AGO3: variants seen among roughly 807,000 people sequenced by gnomAD.
The protein encoded by AGO3 is argonaute RISC catalytic component 3, also known as protein argonaute-3.
A neutral mutation model predicts 105.5 loss-of-function variants in AGO3; 16 were observed. The observed-to-expected ratio is 0.15, with a 90% CI of 0.10 to 0.23. The LOEUF (loss-of-function observed/expected upper bound fraction) is 0.23. Ranked by LOEUF, AGO3 falls within the 10% of genes least tolerant of loss-of-function variation. The pLI is 1.00. For missense variants in AGO3, 534 were observed against 1,088.0 expected (o/e 0.49, Z 7.16); for synonymous variants, 340 against 367.3 (o/e 0.93, Z 0.85).
intron 3 of AGO3, among the ~76,000 whole-genome samples, chr1:35,971,064 A>G (rs955412858): frequency 2.1e-5 from 3 of 144,016 alleles, no homozygotes; most frequent in African/African-American, 7.9e-5. Flanking sequence ...ATAAATATAT[A>G]AATTATAAAT....
chr1:35,944,257 G>T (rs1646315815), intron 1 of AGO3, among the ~76,000 whole-genome samples: 1 of 151,390 alleles, frequency 6.6e-6, no homozygotes, highest in Admixed American at 6.6e-5. Context: ...TTAAGACAGG[G>T]TCTTGCCATT....
At chr1:35,950,236 T>C (rs1646446216) in intron 2 of AGO3, among the ~76,000 whole-genome samples, 1 of 151,836 alleles carries the variant, frequency 6.6e-6, no homozygotes, top group African/African-American at 2.4e-5. Context: ...AAAAAAAAAT[T>C]ATATTGTTGC....
intron 11 of AGO3, among the ~76,000 whole-genome samples, chr1:36,025,121 A>G (rs1641441044): frequency 1.3e-5 from 2 of 152,364 alleles, no homozygotes; most frequent in East Asian, 1.9e-4. Flanking sequence ...AAGTATGTCA[A>G]CAATGAAACA....
chr1:35,981,485 C>T (rs1647052572), intron 5 of AGO3, among the ~76,000 whole-genome samples: 1 of 152,196 alleles, frequency 6.6e-6, no homozygotes, highest in Non-Finnish European at 1.5e-5. Flanking sequence ...AACTACCAGC[C>T]ATGAGTTCCC....
intron 2 of AGO3, among the ~76,000 whole-genome samples, 200 bp from the exon 3 acceptor site, chr1:35,966,755 T>C (rs1032115978): frequency 1.3e-5 from 2 of 152,216 alleles, no homozygotes; most frequent in East Asian, 1.9e-4. Flanking sequence ...CTTCTCTGTC[T>C]AGTGAAATGT....
intron 5 of AGO3, among the ~76,000 whole-genome samples, chr1:35,990,652 TAGTTAGA>T (rs1647550104): frequency 6.6e-6 from 1 of 152,208 alleles, no homozygotes; most frequent in Non-Finnish European, 1.5e-5. Context: ...TTCTGCAAAG[TAGTTAGA>T]AGTTCACACT....
At chr1:35,983,980 A>G (rs1647110511) in intron 5 of AGO3, among the ~76,000 whole-genome samples, 1 of 152,132 alleles carries the variant, frequency 6.6e-6, no homozygotes, top group Non-Finnish European at 1.5e-5. Context: ...CAGTATGTAA[A>G]TCCATATTTG....
intron 12 of AGO3, among the ~76,000 whole-genome samples, chr1:36,030,414 G>A (rs906243792): frequency 6.6e-6 from 1 of 151,150 alleles, no homozygotes; most frequent in African/African-American, 2.4e-5. Flanking sequence ...GAGATAGGAA[G>A]ATCACTTGAG....
intron 2 of AGO3, among the ~76,000 whole-genome samples, chr1:35,964,332 T>G (rs1462707659): frequency 6.6e-6 from 1 of 152,158 alleles, no homozygotes; most frequent in African/African-American, 2.4e-5. Context: ...TGGGTCCATA[T>G]GTTCTCATCA....
intron 14 of AGO3, among the ~76,000 whole-genome samples, chr1:36,038,936 G>A (rs1471146877): frequency 1.3e-5 from 2 of 152,202 alleles, no homozygotes; most frequent in Non-Finnish European, 2.9e-5. Flanking sequence ...TGGCTTCTGA[G>A]ATAGGTTGCT....
chr1:36,034,241 A>G lies in AGO3; in HGVS notation c.1659A>G (p.Val553=). The G allele has an allele frequency of 6.2e-7, 1 of 1,608,690 alleles. No homozygotes were observed. Among genetic ancestry groups the G allele is most frequent in the Non-Finnish European group, 8.5e-7 (1 of 1,177,618 alleles). ...MATQCVQVKN[V]IKTSPQTLSN... ...CACAATGTGTTCAAGTCAAGAATGT[A>G]ATAAAAACATCTCCTCAAACTCTGT... Residue 553 remains valine, a synonymous_variant, in exon 13 of 19, where the codon GTA becomes GTG. Transcript: ENST00000373191.
intron 5 of AGO3, among the ~76,000 whole-genome samples, chr1:35,988,179 C>A (rs1647293090): frequency 6.6e-6 from 1 of 152,096 alleles, no homozygotes; most frequent in Non-Finnish European, 1.5e-5. Context: ...GTATGATTAA[C>A]AAGTAAAAGT....
At position 35,931,344 on chromosome 1, in the gene AGO3, G is replaced by C; in HGVS notation, c.-83G>C. 2 of 1,308,538 alleles carry C rather than the reference G, an allele frequency of 1.5e-6. No individual in the cohort carries two copies. Among genetic ancestry groups the C allele is most frequent in the Non-Finnish European group, 2.0e-6 (2 of 1,005,686 alleles). 81.1% of individuals were successfully genotyped at this position (1,308,538 alleles called of 1,614,324 possible). A position where few individuals can be genotyped will look rare whatever the true frequency, so the allele number is the denominator to read the frequency against. On this transcript the variant is annotated 5_prime_UTR_variant, in exon 1 of 19. Coordinates refer to ENST00000373191, the MANE Select transcript of AGO3 (RefSeq NM_024852.4). ...GCCGAGTGAGAGTGCCCGTCGCGTC[G>C]CGCCGCGTCGCCCCCCGGGCCGCCT...
intron 5 of AGO3, among the ~76,000 whole-genome samples, chr1:35,995,187 C>G (rs1648168685): frequency 8.1e-6 from 1 of 122,914 alleles, no homozygotes. Context: ...GGCAACAGAG[C>G]AAGACACTGT....
intron 2 of AGO3, among the ~76,000 whole-genome samples, chr1:35,962,818 A>G (rs2148766189): frequency 6.6e-6 from 1 of 152,326 alleles, no homozygotes; most frequent in East Asian, 1.9e-4. Context: ...AATAAAACAT[A>G]ATTTATCTTT....
At chr1:36,024,585 C>T (rs603945) in intron 11 of AGO3, among the ~76,000 whole-genome samples, 109,813 of 152,084 alleles carry the variant, frequency 0.72, 43,390 homozygotes, top group Non-Finnish European at 0.91. Context: ...AGAAATTCGG[C>T]TGTCATGAAA....
chr1:35,962,767 T>C (rs1439115486), intron 2 of AGO3, among the ~76,000 whole-genome samples: 2 of 152,102 alleles, frequency 1.3e-5, no homozygotes, highest in Non-Finnish European at 2.9e-5. Flanking sequence ...CCTTGCTGTT[T>C]ATAAAGAAGA....
At position 36,069,411 on chromosome 1, in the gene AGO3, GATA is replaced by G. The variant is rs1643133252; in HGVS notation, c.*13669_*13671del. 6.6e-6 allele frequency: 1 copy of G among 152,180 alleles called. No individual in the cohort carries two copies. Among genetic ancestry groups the G allele is most frequent in the African/African-American group, 2.4e-5 (1 of 41,436 alleles). 9.4% of individuals were successfully genotyped at this position (152,180 alleles called of 1,614,324 possible). On this transcript the variant is annotated 3_prime_UTR_variant, in exon 19 of 19. Transcript: ENST00000373191. ...GATCACTAAATTGTTGTAAGAATAA[GATA>G]ATGTTTGCGGAAGCATTTGAGTTCT...
chr1:36,050,843 G>T (rs1217139535), intron 17 of AGO3, among the ~76,000 whole-genome samples: 1 of 149,564 alleles, frequency 6.7e-6, no homozygotes, highest in Middle Eastern at 3.2e-3. Context: ...GTTTTGTTTT[G>T]TTTTGTTTTG....
Sources: allele counts gnomAD v4.1 joint callset (sites outside exome capture counted in the v4.1 genomes callset), GRCh38; gene constraint gnomAD v4.1.1; transcripts MANE v1.5; gene names NCBI Gene and HGNC (gene_info 2026-07-23, HGNC 2026-07-21).